EXOC2: variants seen among roughly 807,000 people sequenced by gnomAD.
EXOC2 encodes SEC5-like 1.
A neutral mutation model predicts 131.8 loss-of-function variants in EXOC2; 70 were observed. The ratio of observed to expected loss-of-function variants is 0.53; its 90% CI spans 0.44 to 0.65. The LOEUF (loss-of-function observed/expected upper bound fraction) is 0.65, where lower values mean the gene tolerates loss of function less well. Ranked by LOEUF, EXOC2 falls within the 30% of genes least tolerant of loss-of-function variation. The probability of loss-of-function intolerance (pLI) is 0.00; values close to 1 mark genes in which losing one functional copy is unlikely to be tolerated. For synonymous variants in EXOC2, 411 were observed against 398.4 expected, an observed-to-expected ratio of 1.03 and a Z score of -0.38; for missense variants, 923 against 1,108.6, an observed-to-expected ratio of 0.83 and a Z score of 2.38.
intron 1 of EXOC2, chr6:656,406 A>T (rs1763091608): frequency 6.2e-7 from 1 of 1,614,122 alleles, no homozygotes; most frequent in East Asian, 2.2e-5. Context: ...TGCTTCCACC[A>T]GCACGTGACT....
chr6:491,069 A>G, intron 26 of EXOC2, 56 bp downstream of exon 26: 1 of 1,546,838 alleles, frequency 6.5e-7, no homozygotes, highest in Admixed American at 1.7e-5. Context: ...AGAATTGACT[A>G]GTAAGACAAC....
chr6:681,364 G>A (rs1482325801), intron 1 of EXOC2, among the ~76,000 whole-genome samples: 1 of 152,186 alleles, frequency 6.6e-6, no homozygotes, highest in African/African-American at 2.4e-5. Flanking sequence ...TCCAAGAGGT[G>A]AAAAGTTTGA....
At position 634,728 on chromosome 6, in the gene EXOC2, T is replaced by C. The variant is rs1041503733; in HGVS notation, c.119-1611A>G. 1.9e-4 allele frequency among the ~76,000 whole-genome samples: 29 copies of C among 152,290 alleles called. 1 individual carries two copies. The highest frequency in any genetic ancestry group is 6.7e-4 in the African/African-American group (28 of 41,572). ...GCATTAAAAGGTTTCCTCAGGACTATGGTTTCTACTGGTATATTTTAATTA... is the reference window on the plus strand; with the variant it reads ...GCATTAAAAGGTTTCCTCAGGACTACGGTTTCTACTGGTATATTTTAATTA... On this transcript the variant is annotated intron_variant, in intron 2 of 27. Coordinates refer to ENST00000230449, the MANE Select transcript of EXOC2 (RefSeq NM_018303.6).
chr6:627,889 A>C (rs1289685505), intron 4 of EXOC2, among the ~76,000 whole-genome samples: 6 of 152,248 alleles, frequency 3.9e-5, no homozygotes, highest in African/African-American at 1.4e-4. Context: ...TAACATCAAA[A>C]TCTGTTAATT....
intron 1 of EXOC2, among the ~76,000 whole-genome samples, chr6:648,060 G>T (rs945264860): frequency 1.3e-5 from 2 of 152,170 alleles, no homozygotes; most frequent in African/African-American, 4.8e-5. Flanking sequence ...AACCAGAACA[G>T]ACCATTATGC....
intron 6 of EXOC2, among the ~76,000 whole-genome samples, chr6:613,794 A>G (rs1330379764): frequency 4.6e-5 from 7 of 152,222 alleles, no homozygotes; most frequent in African/African-American, 1.7e-4. Flanking sequence ...TGATGAGTTA[A>G]TGGGTGCAGC....
intron 4 of EXOC2, among the ~76,000 whole-genome samples, chr6:622,952 G>A (rs574914273): frequency 6.6e-5 from 10 of 152,336 alleles, no homozygotes; most frequent in African/African-American, 2.4e-4. Flanking sequence ...CTGATGTCTA[G>A]TGGAGGGCTC....
chr6:593,450 G>T (rs1759653067), intron 10 of EXOC2, among the ~76,000 whole-genome samples: 1 of 152,146 alleles, frequency 6.6e-6, no homozygotes, highest in Non-Finnish European at 1.5e-5. Flanking sequence ...ATTTCTCTAG[G>T]AAATATAGTA....
chr6:661,528 A>G (rs998324158), intron 1 of EXOC2, among the ~76,000 whole-genome samples: 5 of 152,214 alleles, frequency 3.3e-5, no homozygotes, highest in African/African-American at 1.2e-4. Context: ...AGAATTTTGT[A>G]TCCATTGAAC....
intron 11 of EXOC2, among the ~76,000 whole-genome samples, chr6:591,968 C>G (rs1373688275): frequency 6.6e-6 from 1 of 152,208 alleles, no homozygotes; most frequent in East Asian, 1.9e-4. Flanking sequence ...CACCAGCCAT[C>G]TAAAGCATTC....
intron 6 of EXOC2, 81 bp downstream of exon 6, chr6:617,630 C>T: frequency 6.6e-7 from 1 of 1,511,276 alleles, no homozygotes; most frequent in South Asian, 1.4e-5. Flanking sequence ...GACCGAGTGT[C>T]ACACCCTGTA....
chr6:497,287 C>CAT, intron 25 of EXOC2, 80 bp downstream of exon 25: 1 of 1,351,052 alleles, frequency 7.4e-7, no homozygotes, highest in Non-Finnish European at 1.0e-6. Context: ...CCTGTCATAT[C>CAT]ATAAGATTGA....
intron 23 of EXOC2, among the ~76,000 whole-genome samples, chr6:505,337 C>T (rs1764478845): frequency 6.6e-6 from 1 of 152,198 alleles, no homozygotes; most frequent in South Asian, 2.1e-4. Flanking sequence ...CTGGGGAAGA[C>T]TTTGCTTCTG....
chr6:542,719 G>A lies in EXOC2; in HGVS notation c.2238+6456C>T, dbSNP rs567180604. ...ATAAATGTTCCTACAACAGAGCACC[G>A]TAGTAAGCTGGCATTGAATGTGTAC... On this transcript the variant is annotated intron_variant, in intron 22 of 27. Transcript: ENST00000230449. Among the ~76,000 whole-genome samples, 61 of 152,292 alleles carry A rather than the reference G, an allele frequency of 4.0e-4. No individual in the cohort carries two copies. In the South Asian group the frequency reaches 6.4e-3, roughly 16 times the overall value.
chr6:649,786 G>A (rs778274442), intron 1 of EXOC2, among the ~76,000 whole-genome samples: 4 of 152,124 alleles, frequency 2.6e-5, no homozygotes, highest in Non-Finnish European at 5.9e-5. Context: ...TCAGCAAATG[G>A]TATCTAGTGG....
intron 23 of EXOC2, among the ~76,000 whole-genome samples, chr6:528,612 C>T (rs548980933): frequency 6.6e-6 from 1 of 151,886 alleles, no homozygotes; most frequent in Non-Finnish European, 1.5e-5. Flanking sequence ...AGTATGGTGC[C>T]ATGTGCCATT....
intron 13 of EXOC2, among the ~76,000 whole-genome samples, chr6:570,286 A>G (rs1239646743): frequency 4.6e-5 from 7 of 151,904 alleles, no homozygotes; most frequent in Non-Finnish European, 4.4e-5. Context: ...GGCGCCCGCC[A>G]CCACGCCTGG....
At chr6:487,880 C>A (rs1763171429) in intron 27 of EXOC2, among the ~76,000 whole-genome samples, 1 of 152,120 alleles carries the variant, frequency 6.6e-6, no homozygotes, top group African/African-American at 2.4e-5. Flanking sequence ...TGACCTGGGG[C>A]CATTTCAGGG....
rs1375796079 is a variant in EXOC2 at position 499,630 on chromosome 6, C to T, written c.2436+15G>A. 6.2e-7 allele frequency: 1 copy of T among 1,608,362 alleles called. No individual in the cohort carries two copies. Among genetic ancestry groups the T allele is most frequent in the Admixed American group, 1.7e-5 (1 of 59,776 alleles). On this transcript the variant is annotated intron_variant, in intron 24 of 27. Transcript: ENST00000230449. ...GGTTATCCATATCTCTTAGGAACAT[C>T]TAATGATACTTTACCTCTGCATGCA...
Sources: allele counts gnomAD v4.1 joint callset (sites outside exome capture counted in the v4.1 genomes callset), GRCh38; gene constraint gnomAD v4.1.1; transcripts MANE v1.5; gene names NCBI Gene and HGNC (gene_info 2026-07-23, HGNC 2026-07-21).